DEPDC5: variants seen among roughly 807,000 people sequenced by gnomAD.
DEPDC5 encodes the protein GATOR1 complex protein DEPDC5.
DEPDC5 carries 73 observed loss-of-function variants against 217.3 expected under a neutral mutation model. The ratio of observed to expected loss-of-function variants is 0.34; its 90% CI spans 0.28 to 0.41. DEPDC5 has a LOEUF of 0.41. Ranked by LOEUF, DEPDC5 falls within the 10% of genes least tolerant of loss-of-function variation. The probability of loss-of-function intolerance (pLI) is 1.00; values close to 1 mark genes in which losing one functional copy is unlikely to be tolerated. For synonymous variants in DEPDC5, 733 were observed against 756.7 expected (o/e 0.97, Z 0.51); for missense variants, 1,675 against 2,070.1 (o/e 0.81, Z 3.70).
At chr22:31,784,676 T>C (rs1393135483) in intron 9 of DEPDC5, 138 bp from the exon 10 acceptor site, 7 of 673,404 alleles carry the variant, frequency 1.0e-5, no homozygotes, top group Non-Finnish European at 1.7e-5. Context: ...CCCTTTCTTA[T>C]AGAAGAAGTT....
chr22:31,800,044 G>T (rs1046655475), intron 14 of DEPDC5, among the ~76,000 whole-genome samples: 1 of 150,366 alleles, frequency 6.7e-6, no homozygotes, highest in Admixed American at 6.6e-5. Context: ...CTCGTGATCC[G>T]CCCACCTTGG....
At chr22:31,804,271 TAGAA>T in intron 16 of DEPDC5, 48 bp downstream of exon 16, 1 of 1,591,090 alleles carries the variant, frequency 6.3e-7, no homozygotes, top group South Asian at 1.1e-5. Flanking sequence ...GGAGTATAGT[TAGAA>T]AGAGAAAAAT....
intron 8 of DEPDC5, among the ~76,000 whole-genome samples, chr22:31,782,954 T>C (rs1218740743): frequency 1.3e-5 from 2 of 152,212 alleles, no homozygotes; most frequent in Non-Finnish European, 1.5e-5. Flanking sequence ...GGCCCCGAGC[T>C]GTGGCTCATG....
chr22:31,828,817 C>T (rs1008113150), intron 24 of DEPDC5, among the ~76,000 whole-genome samples: 4 of 152,220 alleles, frequency 2.6e-5, no homozygotes, highest in Admixed American at 1.3e-4. Flanking sequence ...CTGACTCTCC[C>T]GACCTCAAGG....
chr22:31,893,851 G>A, intron 39 of DEPDC5, 100 bp downstream of exon 39: 1 of 1,293,618 alleles, frequency 7.7e-7, no homozygotes. Context: ...TTTAGTTCAG[G>A]CTCTTATTAC....
chr22:31,756,179 G>T (rs974139592), intron 2 of DEPDC5, among the ~76,000 whole-genome samples: 4 of 151,914 alleles, frequency 2.6e-5, no homozygotes, highest in African/African-American at 9.7e-5. Context: ...CACCGCGCTG[G>T]CATGAGTCTT....
At chr22:31,805,072 C>T in intron 17 of DEPDC5, 157 bp downstream of exon 17, 1 of 642,312 alleles carries the variant, frequency 1.6e-6, no homozygotes, top group Non-Finnish European at 2.6e-6. Flanking sequence ...TCTGTACACA[C>T]AAAGCAGTAG....
chr22:31,833,206 TTTTCTGATAAATA>T (rs1254219862), intron 24 of DEPDC5, among the ~76,000 whole-genome samples: 1 of 152,234 alleles, frequency 6.6e-6, no homozygotes, highest in Non-Finnish European at 1.5e-5. Context: ...GGCATCAGAA[TTTTCTGATAAATA>T]TATGTTTTGA....
At chr22:31,817,510 A>G (rs1435285985) in intron 21 of DEPDC5, 2 of 447,156 alleles carry the variant, frequency 4.5e-6, no homozygotes, top group Non-Finnish European at 8.8e-6. Flanking sequence ...TTGTTTTGAG[A>G]CAGGTTCTCA....
chr22:31,860,513 G>T (rs1569133492), intron 32 of DEPDC5, among the ~76,000 whole-genome samples: 1 of 152,130 alleles, frequency 6.6e-6, no homozygotes, highest in Non-Finnish European at 1.5e-5. Context: ...AGGAAAGAGG[G>T]TACTACTTAA....
intron 41 of DEPDC5, among the ~76,000 whole-genome samples, chr22:31,902,408 TTATATATA>T (rs66813737): frequency 5.4e-5 from 6 of 111,928 alleles, no homozygotes; most frequent in Admixed American, 3.1e-4. Flanking sequence ...CATCTCCTTA[TTATATATA>T]TATATATATA....
chr22:31,789,293 T>G (rs57009561), intron 10 of DEPDC5, among the ~76,000 whole-genome samples: 3,198 of 152,366 alleles, frequency 0.021, 89 homozygotes, highest in African/African-American at 0.065. Context: ...CAATGTAGTA[T>G]TATTCTGCTA....
intron 25 of DEPDC5, 123 bp from the exon 26 acceptor site, chr22:31,836,849 A>G: frequency 2.2e-6 from 2 of 892,578 alleles, no homozygotes; most frequent in South Asian, 1.7e-5. Flanking sequence ...AATCCTGGCA[A>G]TTTTACCATC....
intron 2 of DEPDC5, 43 bp downstream of exon 2, chr22:31,755,022 G>T (rs754946675): frequency 6.2e-7 from 1 of 1,612,332 alleles, no homozygotes; most frequent in East Asian, 2.2e-5. Flanking sequence ...AGTTGGCTGA[G>T]GTTCTGGTGT....
chr22:31,766,766 A>G (rs1054951861), intron 6 of DEPDC5, 98 bp downstream of exon 6: 19 of 1,055,744 alleles, frequency 1.8e-5, no homozygotes, highest in Middle Eastern at 2.5e-4. Flanking sequence ...TTCTGATTTT[A>G]TATCAGCATC....
In DEPDC5 at chr22:31,862,784, G is replaced by A. The variant is rs1240503918; in HGVS notation, c.3330+1351G>A. 2.6e-5 allele frequency among the ~76,000 whole-genome samples: 4 copies of A among 152,274 alleles called. No individual in the cohort carries two copies. The East Asian group carries it at 7.7e-4, about 29-fold the overall frequency. ...CCCACCTGCCTCTTCCCAGTGAGCTGTGTAACCATAGGCAAATCCCTGTAA... is the reference window on the plus strand; with the variant it reads ...CCCACCTGCCTCTTCCCAGTGAGCTATGTAACCATAGGCAAATCCCTGTAA... On this transcript the variant is annotated intron_variant, in intron 33 of 42. Coordinates refer to ENST00000651528, the MANE Select transcript of DEPDC5 (RefSeq NM_001242896.3).
intron 40 of DEPDC5, among the ~76,000 whole-genome samples, chr22:31,898,860 C>G (rs1021280023): frequency 6.6e-6 from 1 of 152,224 alleles, no homozygotes; most frequent in African/African-American, 2.4e-5. Flanking sequence ...GCTTACAAAG[C>G]CCCCTTGAAA....
At chr22:31,777,148 T>G (rs1183253906) in intron 7 of DEPDC5, among the ~76,000 whole-genome samples, 2 of 145,108 alleles carry the variant, frequency 1.4e-5, no homozygotes, top group East Asian at 2.1e-4. Flanking sequence ...TTAGTAGGGA[T>G]GGGGTTTCGC....
chr22:31,810,496 A>G (rs765055127), intron 19 of DEPDC5, 25 bp from the exon 20 acceptor site: 3 of 1,613,476 alleles, frequency 1.9e-6, no homozygotes, highest in Non-Finnish European at 1.7e-6. Context: ...ATTTGATGAC[A>G]ATTTATATTA....
Sources: allele counts gnomAD v4.1 joint callset (sites outside exome capture counted in the v4.1 genomes callset), GRCh38; gene constraint gnomAD v4.1.1; transcripts MANE v1.5; gene names NCBI Gene and HGNC (gene_info 2026-07-23, HGNC 2026-07-21).